The following GSE1 variants were observed in gnomAD, a reference collection of about 807,000 sequenced individuals.
The protein encoded by GSE1 is Gse1 coiled-coil protein.
In GSE1, 32 loss-of-function variants were observed where a neutral mutation model predicts 112.6. That is an observed-to-expected ratio of 0.28 (90% CI 0.21 to 0.38). The LOEUF (loss-of-function observed/expected upper bound fraction) is 0.38. GSE1 is among the 10% of genes least tolerant of loss of function. GSE1 has a pLI of 1.00. For missense variants in GSE1, 2,348 were observed against 1,699.2 expected (o/e 1.38, Z -6.71); for synonymous variants, 1,115 against 735.6 (o/e 1.52, Z -8.35).
intron 1 of GSE1, among the ~76,000 whole-genome samples, chr16:85,328,983 C>A (rs1474239675): frequency 1.3e-5 from 2 of 152,218 alleles, no homozygotes; most frequent in East Asian, 3.9e-4. Flanking sequence ...CCCAACCCTT[C>A]ATCAGGGCCC....
intron 1 of GSE1, among the ~76,000 whole-genome samples, chr16:85,564,278 G>A (rs62050027): frequency 0.068 from 10,406 of 152,210 alleles, 397 homozygotes; most frequent in Middle Eastern, 0.12. Flanking sequence ...ACAGTGAGGA[G>A]GGAGGAACAG....
chr16:85,221,798 A>G (rs919022980), intron 1 of GSE1, among the ~76,000 whole-genome samples: 6 of 149,450 alleles, frequency 4.0e-5, no homozygotes, highest in Admixed American at 2.7e-4. Flanking sequence ...GGGGTGGGGT[A>G]TGGATGGCAC....
At chr16:85,175,490 C>G (rs988183394) in intron 1 of GSE1, among the ~76,000 whole-genome samples, 1 of 152,240 alleles carries the variant, frequency 6.6e-6, no homozygotes, top group Non-Finnish European at 1.5e-5. Context: ...CCTGTCTGGG[C>G]CTTGGAACCG....
intron 1 of GSE1, among the ~76,000 whole-genome samples, chr16:85,246,329 ACACC>A (rs1178912559): frequency 0.064 from 5,102 of 79,760 alleles, 628 homozygotes; most frequent in African/African-American, 0.16. Context: ...ACACACACAC[ACACC>A]CCCCACACGC....
intron 1 of GSE1, among the ~76,000 whole-genome samples, chr16:85,325,984 T>C: frequency 6.6e-6 from 1 of 152,104 alleles, no homozygotes; most frequent in Non-Finnish European, 1.5e-5. Context: ...CCTGACCTCA[T>C]GATCCACCCG....
intron 1 of GSE1, among the ~76,000 whole-genome samples, chr16:85,293,890 G>C (rs2045291557): frequency 6.6e-6 from 1 of 152,146 alleles, no homozygotes; most frequent in Non-Finnish European, 1.5e-5. Flanking sequence ...ACCTCATCTG[G>C]TCATAATTAC....
intron 1 of GSE1, among the ~76,000 whole-genome samples, chr16:85,295,125 T>C (rs1244893205): frequency 6.6e-6 from 1 of 152,086 alleles, no homozygotes; most frequent in Non-Finnish European, 1.5e-5. Context: ...TTGAGGGAGA[T>C]ACATTCAGTG....
intron 3 of GSE1, among the ~76,000 whole-genome samples, chr16:85,649,736 G>C (rs1279210882): frequency 1.3e-5 from 2 of 152,218 alleles, no homozygotes; most frequent in Non-Finnish European, 2.9e-5. Context: ...TTCCCAGAGG[G>C]ACAGCCCCAC....
At chr16:85,614,456 G>C (rs1040737753) in intron 1 of GSE1, among the ~76,000 whole-genome samples, 1 of 152,222 alleles carries the variant, frequency 6.6e-6, no homozygotes, top group African/African-American at 2.4e-5. Flanking sequence ...GGGGACCAGG[G>C]GGGCACTTAG....
At position 85,311,031 on chromosome 16, in the gene GSE1, C is replaced by A. The variant is rs183485233; in HGVS notation, c.2284-46432C>A. Among the ~76,000 whole-genome samples, 2 of 152,232 alleles carry A rather than the reference C, an allele frequency of 1.3e-5. No individual in the cohort carries two copies. Among genetic ancestry groups the A allele is most frequent in the African/African-American group, 4.8e-5 (2 of 41,470 alleles). On this transcript the variant is annotated intron_variant, in intron 1 of 2. Transcript: ENST00000637419. The surrounding 1 kb of genome is among the most constrained non-coding windows in gnomAD (Gnocchi z 4.2). The stretch of plus-strand genomic sequence containing the variant: ...AAATATAAACCCAGCCGCCTTTCCG[C>A]GGCCGTCAGCAATGGCCATGGCTCT...
intron 2 of GSE1, among the ~76,000 whole-genome samples, chr16:85,474,950 A>G (rs762187320): frequency 3.3e-5 from 5 of 151,946 alleles, no homozygotes; most frequent in Non-Finnish European, 5.9e-5. Flanking sequence ...TCTGAATTTC[A>G]CTGTAATCTG....
intron 2 of GSE1, among the ~76,000 whole-genome samples, chr16:85,428,516 G>A (rs533381331): frequency 1.7e-4 from 26 of 152,352 alleles, no homozygotes; most frequent in African/African-American, 4.8e-4. Context: ...AGGCAGTGAC[G>A]TAGCGCTTGG....
chr16:85,599,591 G>C (rs913350563), intron 1 of GSE1, among the ~76,000 whole-genome samples: 2 of 152,234 alleles, frequency 1.3e-5, no homozygotes, highest in Admixed American at 1.3e-4. Flanking sequence ...GGCCACCTGT[G>C]ATCACAAGCC....
chr16:85,389,123 C>A (rs2047773038), intron 2 of GSE1, among the ~76,000 whole-genome samples: 2 of 152,154 alleles, frequency 1.3e-5, no homozygotes, highest in African/African-American at 2.4e-5. Context: ...GCAATGGGGG[C>A]CAGGCAGCAT....
intron 2 of GSE1, among the ~76,000 whole-genome samples, chr16:85,382,919 T>C (rs541557216): frequency 2.0e-5 from 3 of 149,172 alleles, no homozygotes; most frequent in South Asian, 2.1e-4. Context: ...CACACATACA[T>C]GCACACACGC....
In GSE1 at chr16:85,478,986, TC is replaced by T; in HGVS notation, c.2464+121345del. 3.0e-5 allele frequency among the ~76,000 whole-genome samples: 4 copies of T among 135,260 alleles called. No individual in the cohort carries two copies. In the Admixed American group the frequency reaches 3.1e-4, roughly 10 times the overall value. The allele number at this position is 135,260 out of a possible 152,430, so 88.7% of individuals were successfully genotyped here. A position where few individuals can be genotyped will look rare whatever the true frequency, so the allele number is the denominator to read the frequency against. Reference sequence around the variant, plus strand: ...TTCTTTCCTTCCTTCCTTCCTTCCTTCCTTCCTTCTTTCCCTCCCTCCCTCC... The same window carrying T: ...TTCTTTCCTTCCTTCCTTCCTTCCTTCTTCCTTCTTTCCCTCCCTCCCTCC... On this transcript the variant is annotated intron_variant, in intron 2 of 2. Coordinates refer to the GSE1 transcript ENST00000637419.
rs1355456964 is a variant in GSE1 at position 85,673,955 on chromosome 16, C to G, written c.*1416C>G. 2.6e-5 allele frequency: 4 copies of G among 152,406 alleles called. No homozygotes were observed. Among genetic ancestry groups the G allele is most frequent in the African/African-American group, 9.6e-5 (4 of 41,600 alleles). The allele number at this position is 152,406 out of a possible 1,614,324, so 9.4% of individuals were successfully genotyped here. A position where few individuals can be genotyped will look rare whatever the true frequency, so the allele number is the denominator to read the frequency against. ...CTGAGCTGAACCCCTCCTTTTTGAA[C>G]TTACTGTGACAAGCACAGGAACGGT... On this transcript the variant is annotated 3_prime_UTR_variant, in exon 16 of 16. Transcript: ENST00000253458.
intron 1 of GSE1, among the ~76,000 whole-genome samples, chr16:85,233,677 G>T (rs1195138375): frequency 1.3e-5 from 2 of 152,142 alleles, no homozygotes; most frequent in Admixed American, 1.3e-4. Context: ...GGTGGTGGAG[G>T]CAGTGGGAAC....
intron 3 of GSE1, 137 bp from the exon 4 acceptor site, chr16:85,654,141 G>T: frequency 2.5e-6 from 2 of 784,572 alleles, no homozygotes; most frequent in Non-Finnish European, 4.0e-6. Context: ...GTTTTGCGTA[G>T]AAAGCCTTAG....
Sources: gnomAD v4.1 joint callset for allele counts (sites outside exome capture counted in the v4.1 genomes callset) on GRCh38, gnomAD v4.1.1 for gene constraint, Gnocchi (gnomAD v3.1) non-coding constraint, MANE v1.5 for transcripts, NCBI Gene and HGNC (gene_info 2026-07-23, HGNC 2026-07-21) for gene names.